POGZ: variants seen among roughly 807,000 people sequenced by gnomAD.
The protein encoded by POGZ is pogo transposable element derived with ZNF domain.
A neutral mutation model predicts 134.6 loss-of-function variants in POGZ; 17 were observed. The observed-to-expected ratio is 0.13, with a 90% CI of 0.09 to 0.19. POGZ has a LOEUF of 0.19. Ranked by LOEUF, POGZ falls within the 10% of genes least tolerant of loss-of-function variation. The pLI is 1.00. For synonymous variants in POGZ, 693 were observed against 657.1 expected (o/e 1.05, Z -0.84); for missense variants, 1,306 against 1,769.7 (o/e 0.74, Z 4.70).
intron 2 of POGZ, 62 bp downstream of exon 2, chr1:151,442,019 A>T: frequency 7.8e-7 from 1 of 1,287,370 alleles, no homozygotes; most frequent in South Asian, 1.3e-5. Context: ...ACACTTTGTT[A>T]ACCAAAATAC....
At chr1:151,425,175 G>A in intron 7 of POGZ, 114 bp from the exon 8 acceptor site, 2 of 631,078 alleles carry the variant, frequency 3.2e-6, no homozygotes, top group South Asian at 3.4e-5. Context: ...GGGTAAGCAA[G>A]CATGAGAGAT....
chr1:151,425,416 G>C (rs551282976), intron 7 of POGZ: 57 of 160,674 alleles, frequency 3.5e-4, no homozygotes, highest in Non-Finnish European at 6.4e-4. Context: ...TGGCCCATAA[G>C]CTAAGAATAA....
chr1:151,403,369 C>G lies in POGZ; in HGVS notation c.*1433G>C, dbSNP rs1480311547. The G allele has an allele frequency of 1.0e-6, 1 of 985,470 alleles. No homozygotes were observed. The highest frequency in any genetic ancestry group is 1.2e-6 in the Non-Finnish European group (1 of 829,748). The allele number at this position is 985,470 out of a possible 1,614,324, so 61.0% of individuals were successfully genotyped here. On this transcript the variant is annotated 3_prime_UTR_variant, in exon 19 of 19. Transcript: ENST00000271715. ...ACAAGTTTATAAATCCATTTCCCCTCATTTTATTAAATGTTCCACTTATGT... is the reference window on the plus strand; with the variant it reads ...ACAAGTTTATAAATCCATTTCCCCTGATTTTATTAAATGTTCCACTTATGT...
intron 17 of POGZ, 63 bp downstream of exon 17, chr1:151,406,848 A>C: frequency 7.9e-7 from 1 of 1,271,366 alleles, no homozygotes; most frequent in Non-Finnish European, 1.1e-6. Context: ...CCTGATGCAT[A>C]CAGTACGAAC....
At chr1:151,406,768 C>G in intron 17 of POGZ, 137 bp from the exon 18 acceptor site, 1 of 1,011,820 alleles carries the variant, frequency 9.9e-7, no homozygotes, top group Non-Finnish European at 1.5e-6. Context: ...ATATAAACTT[C>G]AGGTCGGAAG....
At chr1:151,416,068 T>C (rs1235083565) in intron 10 of POGZ, among the ~76,000 whole-genome samples, 2 of 146,370 alleles carry the variant, frequency 1.4e-5, no homozygotes, top group African/African-American at 2.5e-5. Context: ...ATTAGCCGGG[T>C]GTGGTGGTGC....
At chr1:151,431,208 G>C (rs1317721874) in intron 3 of POGZ, among the ~76,000 whole-genome samples, 1 of 152,002 alleles carries the variant, frequency 6.6e-6, no homozygotes, top group Non-Finnish European at 1.5e-5. Flanking sequence ...AAAACAGATG[G>C]GTAGGGGAGG....
intron 1 of POGZ, among the ~76,000 whole-genome samples, chr1:151,455,997 C>T (rs1360667935): frequency 6.6e-6 from 1 of 151,340 alleles, no homozygotes; most frequent in Non-Finnish European, 1.5e-5. Context: ...TCCACCTTGG[C>T]CTCCCAAAGT....
intron 4 of POGZ, among the ~76,000 whole-genome samples, chr1:151,430,029 TGGGGGTGG>T (rs1658436779): frequency 1.6e-5 from 1 of 62,356 alleles, no homozygotes; most frequent in African/African-American, 6.2e-5. Context: ...TGAACAGAAG[TGGGGGTGG>T]GGGGCAGGGG....
chr1:151,406,985 G>T lies in POGZ; in HGVS notation c.2471C>A (p.Thr824Asn). The change falls in exon 17 of 19, where the codon ACC becomes AAC. Residue 824 changes from threonine (T) to asparagine (N), a missense_variant. Physicochemically the swap from Thr to Asn is moderately conservative, Grantham distance 65. This residue lies in a region of POGZ where 214 missense variants were observed against 255.5 expected (regional missense o/e 0.84). Coordinates refer to ENST00000271715, the MANE Select transcript of POGZ (RefSeq NM_015100.4). ...KLACTSCTFVTSVGDAMAKHL... is the reference protein window; with the variant it reads ...KLACTSCTFVNSVGDAMAKHL... ...CTTGGCCATAGCATCGCCCACAGAG[G>T]TAACAAAGGTACATGAAGTGCAGGC... 2.5e-6 allele frequency: 4 copies of T among 1,614,130 alleles called. No individual in the cohort carries two copies. The highest frequency in any genetic ancestry group is 3.4e-6 in the Non-Finnish European group (4 of 1,180,002).
At chr1:151,407,524 CAGCATTTCTAACA>C (rs1653859051) in intron 15 of POGZ, among the ~76,000 whole-genome samples, 1 of 152,190 alleles carries the variant, frequency 6.6e-6, no homozygotes, top group Non-Finnish European at 1.5e-5. Flanking sequence ...GGCTGAGAGT[CAGCATTTCTAACA>C]AGCTCCCACC....
In POGZ at chr1:151,427,892, C is replaced by G; in HGVS notation, c.1009G>C (p.Val337Leu). 1.9e-6 allele frequency: 3 copies of G among 1,614,216 alleles called. No homozygotes were observed. Among genetic ancestry groups the G allele is most frequent in the Non-Finnish European group, 2.5e-6 (3 of 1,180,034 alleles). ...IPSLGQSPGP[V>L]VVSNNSSAHG... Reference sequence around the variant, plus strand: ...GCAGAGCTGTTGTTGGACACCACCACTGGCCCAGGACTCTGGCCCAGGGAA... The same window carrying G: ...GCAGAGCTGTTGTTGGACACCACCAGTGGCCCAGGACTCTGGCCCAGGGAA... Residue 337 changes from valine to leucine, a missense_variant, in exon 7 of 19, where the codon GTG (valine) becomes CTG (leucine). Transcript: ENST00000271715.
At chr1:151,458,288 C>T (rs577506894) in intron 1 of POGZ, among the ~76,000 whole-genome samples, 1 of 152,076 alleles carries the variant, frequency 6.6e-6, no homozygotes, top group Admixed American at 6.5e-5. Flanking sequence ...ATAAAATAGT[C>T]CCCGGGATAA....
chr1:151,435,095 T>TTCACTATTTGGCCATGCTAGTC, intron 3 of POGZ, among the ~76,000 whole-genome samples: 1 of 152,208 alleles, frequency 6.6e-6, no homozygotes, highest in South Asian at 2.1e-4. Context: ...GAGACAGGGT[T>TTCACTATTTGGCCATGCTAGTC]TCACTATTTG....
At chr1:151,456,438 A>C (rs1247461158) in intron 1 of POGZ, among the ~76,000 whole-genome samples, 1 of 152,220 alleles carries the variant, frequency 6.6e-6, no homozygotes, top group Non-Finnish European at 1.5e-5. Flanking sequence ...TTCAAGAAAT[A>C]TCTGCCAAAT....
chr1:151,407,405 C>A (rs1395820977), intron 15 of POGZ, 114 bp from the exon 16 acceptor site: 1 of 696,932 alleles, frequency 1.4e-6, no homozygotes, highest in East Asian at 2.6e-5. Flanking sequence ...GCACCCTAAT[C>A]TCAACCTAAG....
In POGZ at chr1:151,418,609, T is replaced by C. The variant is rs373220826; in HGVS notation, c.1678+4788A>G. Among the ~76,000 whole-genome samples the C allele has an allele frequency of 6.6e-5, 10 of 152,242 alleles. 1 individual carries two copies. The East Asian group carries it at 1.3e-3, about 21-fold the overall frequency. On this transcript the variant is annotated intron_variant, in intron 10 of 18. Transcript: ENST00000271715. ...TTTGAATGTTTCTAGCATAAACACA[T>C]AGAGTGATGAATATTCCAAGTACAC...
At chr1:151,449,034 C>T (rs1661659886) in intron 1 of POGZ, among the ~76,000 whole-genome samples, 1 of 152,058 alleles carries the variant, frequency 6.6e-6, no homozygotes, top group African/African-American at 2.4e-5. Flanking sequence ...AGGTGGAAAA[C>T]AGAGATTTAG....
chr1:151,451,571 C>G (rs1662089327), intron 1 of POGZ, among the ~76,000 whole-genome samples: 1 of 151,558 alleles, frequency 6.6e-6, no homozygotes, highest in Non-Finnish European at 1.5e-5. Flanking sequence ...GGTGATCCAC[C>G]CGCCTCAGTC....
Sources: gnomAD v4.1 joint callset for allele counts (sites outside exome capture counted in the v4.1 genomes callset) on GRCh38, gnomAD v4.1.1 for gene constraint, gnomAD v4.1.1 regional missense constraint, MANE v1.5 for transcripts, NCBI Gene and HGNC (gene_info 2026-07-23, HGNC 2026-07-21) for gene names.